CCSER1: variants seen among roughly 807,000 people sequenced by gnomAD.
The protein encoded by CCSER1 is coiled-coil serine rich protein 1.
A neutral mutation model predicts 82.0 loss-of-function variants in CCSER1; 41 were observed. The observed-to-expected ratio is 0.50, with a 90% CI of 0.39 to 0.65. The LOEUF is 0.65. CCSER1 is among the 30% of genes least tolerant of loss of function. The pLI, the probability that CCSER1 is intolerant of heterozygous loss-of-function variation, is 0.00. For missense variants in CCSER1, 1,119 were observed against 1,064.2 expected (o/e 1.05, Z -0.72); for synonymous variants, 414 against 383.9 (o/e 1.08, Z -0.92).
chr4:90,409,804 C>A (rs573960110), intron 4 of CCSER1, among the ~76,000 whole-genome samples: 43 of 152,286 alleles, frequency 2.8e-4, no homozygotes, highest in African/African-American at 9.4e-4. Context: ...TGTAAATGGG[C>A]TAAATGCTGC....
intron 1 of CCSER1, among the ~76,000 whole-genome samples, chr4:90,291,439 G>A (rs1578992148): frequency 1.3e-5 from 2 of 151,934 alleles, no homozygotes; most frequent in Non-Finnish European, 2.9e-5. Context: ...CCTTGCTACT[G>A]GGCACAGCTG....
intron 10 of CCSER1, among the ~76,000 whole-genome samples, chr4:91,320,546 G>C (rs1446853746): frequency 6.6e-6 from 1 of 152,022 alleles, no homozygotes; most frequent in Non-Finnish European, 1.5e-5. Flanking sequence ...GATAACATGT[G>C]CTGTTGGTTC....
At chr4:91,204,907 C>T (rs75989351) in intron 10 of CCSER1, among the ~76,000 whole-genome samples, 2,600 of 151,632 alleles carry the variant, frequency 0.017, 40 homozygotes, top group South Asian at 0.027. Flanking sequence ...TGAAATTAAA[C>T]ATTTTTATGA....
At chr4:91,203,883 A>G (rs1736132145) in intron 10 of CCSER1, among the ~76,000 whole-genome samples, 1 of 151,880 alleles carries the variant, frequency 6.6e-6, no homozygotes, top group South Asian at 2.1e-4. Flanking sequence ...TTTAATAGTG[A>G]TTAGTAGTAA....
intron 10 of CCSER1, among the ~76,000 whole-genome samples, chr4:91,497,696 G>A (rs1316536249): frequency 6.6e-6 from 1 of 151,774 alleles, no homozygotes; most frequent in South Asian, 2.1e-4. Flanking sequence ...AATTAGGATA[G>A]GATAGGTTTT....
Position 90,279,666 on chromosome 4 carries a change from A to T in CCSER1, c.-41-28578A>T, listed in dbSNP as rs114149936. On this transcript the variant is annotated intron_variant, in intron 1 of 10. Transcript: ENST00000509176. ...GCTAGGACATAGCAGGATATACCAG[A>T]TAAAAGAAATGGTCTAGTATCCAGA... Among the ~76,000 whole-genome samples the T allele has an allele frequency of 4.7e-3, 714 of 152,140 alleles. 3 individuals are homozygous for T. Among genetic ancestry groups the T allele is most frequent in the Middle Eastern group, 0.024 (7 of 294 alleles).
chr4:90,901,522 G>A (rs72665406), intron 8 of CCSER1, among the ~76,000 whole-genome samples: 7,845 of 151,950 alleles, frequency 0.052, 263 homozygotes, highest in Admixed American at 0.096. Context: ...GAAAGACATC[G>A]TTATTCATTT....
chr4:90,790,279 T>C, intron 7 of CCSER1, among the ~76,000 whole-genome samples: 1 of 152,200 alleles, frequency 6.6e-6, no homozygotes, highest in East Asian at 1.9e-4. Context: ...AATTTAAATA[T>C]GATTATAATT....
rs561385570 is a variant in CCSER1, at chr4:90,745,790, C to T, written c.2010+21799C>T. On this transcript the variant is annotated intron_variant, in intron 7 of 10. Transcript: ENST00000509176. ...CTGCAAGCTCCGCCTCCTGGGCTCACGCCATTCTCCTGCCTCAGGCTCCCG... is the reference window on the plus strand; with the variant it reads ...CTGCAAGCTCCGCCTCCTGGGCTCATGCCATTCTCCTGCCTCAGGCTCCCG... 1.3e-4 allele frequency among the ~76,000 whole-genome samples: 19 copies of T among 148,090 alleles called. No individual in the cohort carries two copies. The East Asian group carries it at 3.6e-3, about 28-fold the overall frequency.
chr4:90,312,935 G>A lies in CCSER1; in HGVS notation c.1397G>A (p.Gly466Asp). ...AGGAGACTGCGATCCTCGTCAGAAG[G>A]CACTGCAGGGAGTAGCAGAATGATT... ...IERRLRSSSE[G>D]TAGSSRMILK... Residue 466 changes from glycine to aspartate, a missense_variant, in exon 3 of 11, where the codon GGC becomes GAC. Gly to Asp is a moderately conservative substitution (Grantham distance 94). Coordinates refer to ENST00000509176, the MANE Select transcript of CCSER1 (RefSeq NM_001145065.2). 15 of 1,589,214 alleles carry A rather than the reference G, an allele frequency of 9.4e-6. No individual in the cohort carries two copies. The highest frequency in any genetic ancestry group is 1.3e-5 in the Non-Finnish European group (15 of 1,166,486).
chr4:91,335,031 AT>A (rs1361692801), intron 10 of CCSER1, among the ~76,000 whole-genome samples: 1 of 152,026 alleles, frequency 6.6e-6, no homozygotes, highest in Non-Finnish European at 1.5e-5. Context: ...GACTACTGTT[AT>A]TCTGAGTAAA....
At chr4:91,589,136 T>C (rs111246431) in intron 10 of CCSER1, among the ~76,000 whole-genome samples, 2 of 151,882 alleles carry the variant, frequency 1.3e-5, no homozygotes, top group Non-Finnish European at 2.9e-5. Flanking sequence ...AAACAACACA[T>C]TGATATTATG....
At chr4:90,152,390 T>C (rs753108896) in intron 1 of CCSER1, among the ~76,000 whole-genome samples, 1 of 152,142 alleles carries the variant, frequency 6.6e-6, no homozygotes, top group Non-Finnish European at 1.5e-5. Flanking sequence ...CATACTGGCC[T>C]AAGTGAGCCA....
chr4:90,345,656 A>G (rs1414951768), intron 3 of CCSER1, among the ~76,000 whole-genome samples: 1 of 152,068 alleles, frequency 6.6e-6, no homozygotes, highest in Middle Eastern at 3.2e-3. Flanking sequence ...AAAAACGTTT[A>G]TTGAACTTAT....
At chr4:90,899,686 T>G (rs1724305143) in intron 8 of CCSER1, among the ~76,000 whole-genome samples, 1 of 152,110 alleles carries the variant, frequency 6.6e-6, no homozygotes, top group Non-Finnish European at 1.5e-5. Context: ...TGTAAAACTT[T>G]TTCTGCCTCT....
intron 9 of CCSER1, among the ~76,000 whole-genome samples, chr4:91,038,352 T>TAG (rs1489912526): frequency 1.3e-5 from 2 of 151,926 alleles, no homozygotes; most frequent in Non-Finnish European, 2.9e-5. Context: ...TTGAAAAAAA[T>TAG]ATATAATTAA....
At chr4:91,213,856 G>A (rs72669289) in intron 10 of CCSER1, among the ~76,000 whole-genome samples, 18,909 of 152,034 alleles carry the variant, frequency 0.12, 1,331 homozygotes, top group Middle Eastern at 0.18. Flanking sequence ...TCTGGACCAC[G>A]ACATTGTTGT....
chr4:91,572,811 A>T (rs116343849), intron 10 of CCSER1, among the ~76,000 whole-genome samples: 10,013 of 143,658 alleles, frequency 0.07, 352 homozygotes, highest in Middle Eastern at 0.1. Flanking sequence ...AAAATCTATA[A>T]AAAAAAAAAA....
intron 10 of CCSER1, among the ~76,000 whole-genome samples, chr4:91,289,592 T>C (rs1743593557): frequency 6.6e-6 from 1 of 151,978 alleles, no homozygotes; most frequent in Non-Finnish European, 1.5e-5. Context: ...GTCTCATCTG[T>C]AAACTCAACA....
Sources: gnomAD v4.1 joint callset for allele counts (sites outside exome capture counted in the v4.1 genomes callset) on GRCh38, gnomAD v4.1.1 for gene constraint, MANE v1.5 for transcripts, NCBI Gene and HGNC (gene_info 2026-07-23, HGNC 2026-07-21) for gene names.